USP47: variants seen among roughly 807,000 people sequenced by gnomAD.
USP47 encodes ubiquitin specific peptidase 47.
Under a neutral mutation model 165.1 loss-of-function variants are expected in USP47, and 35 were observed. The observed-to-expected ratio is 0.21, with a 90% CI of 0.16 to 0.28. The LOEUF (loss-of-function observed/expected upper bound fraction) is 0.28, where lower values mean the gene tolerates loss of function less well. Among genes scored for constraint, USP47 ranks in the 10% least tolerant of loss-of-function variants. The pLI is 1.00. For missense variants in USP47, 1,277 were observed against 1,607.4 expected, an observed-to-expected ratio of 0.79 and a Z score of 3.52; for synonymous variants, 531 against 544.5, an observed-to-expected ratio of 0.98 and a Z score of 0.35.
intron 2 of USP47, 123 bp downstream of exon 2, chr11:11,880,503 G>A: frequency 6.0e-6 from 4 of 670,944 alleles, no homozygotes; most frequent in East Asian, 3.4e-5. Flanking sequence ...ACTACAGTAA[G>A]AGCCTATGTG....
chr11:11,871,120 G>A (rs571984637), intron 1 of USP47, among the ~76,000 whole-genome samples: 1 of 152,094 alleles, frequency 6.6e-6, no homozygotes, highest in African/African-American at 2.4e-5. Flanking sequence ...GTAGTCTTTA[G>A]ATTAGGTCTA....
chr11:11,921,426 G>A (rs932101140), intron 10 of USP47, among the ~76,000 whole-genome samples: 1 of 151,752 alleles, frequency 6.6e-6, no homozygotes, highest in African/African-American at 2.4e-5. Flanking sequence ...TCAAATTCTT[G>A]TCCTGCTACT....
intron 20 of USP47, among the ~76,000 whole-genome samples, chr11:11,945,886 G>A (rs1289401520): frequency 6.6e-6 from 1 of 151,126 alleles, no homozygotes; most frequent in Admixed American, 6.6e-5. Context: ...AGTGAGCTAT[G>A]ATCGTACCAC....
At chr11:11,862,972 C>T (rs1849470921) in intron 1 of USP47, among the ~76,000 whole-genome samples, 1 of 152,060 alleles carries the variant, frequency 6.6e-6, no homozygotes, top group South Asian at 2.1e-4. Flanking sequence ...TCATCATCTA[C>T]CCCCCTCCCA....
At chr11:11,891,100 A>T (rs1341669486) in intron 3 of USP47, among the ~76,000 whole-genome samples, 1 of 152,194 alleles carries the variant, frequency 6.6e-6, no homozygotes, top group African/African-American at 2.4e-5. Flanking sequence ...CATGGCACAC[A>T]TTACCTGGGT....
In USP47 at chr11:11,920,182, G is replaced by T; in HGVS notation, c.996G>T (p.Gln332His). The T allele has an allele frequency of 6.2e-7, 1 of 1,603,896 alleles. No homozygotes were observed. Among genetic ancestry groups the T allele is most frequent in the Admixed American group, 1.7e-5 (1 of 58,814 alleles). The change falls in exon 9 of 28, where the codon CAG becomes CAT. Residue 332 changes from glutamine (Q) to histidine (H), a missense_variant. Physicochemically the swap from Gln to His is conservative, Grantham distance 24. This residue lies in a region of USP47 where 175 missense variants were observed against 295.8 expected (regional missense o/e 0.59). Coordinates refer to ENST00000527733, the MANE Select transcript of USP47 (RefSeq NM_001282659.2). Reference protein sequence around the residue: ...SVEEALHAFIQPEILDGPNQY... With the variant: ...SVEEALHAFIHPEILDGPNQY... ...AAGAAGCATTGCATGCATTTATTCAGCCAGAGATTCTGGATGGCCCAAATC... is the reference window on the plus strand; with the variant it reads ...AAGAAGCATTGCATGCATTTATTCATCCAGAGATTCTGGATGGCCCAAATC...
intron 16 of USP47, 38 bp downstream of exon 16, chr11:11,933,973 A>G: frequency 6.9e-7 from 1 of 1,439,798 alleles, no homozygotes; most frequent in Non-Finnish European, 9.7e-7. Context: ...ACTTACTAAT[A>G]CAACAGTATT....
chr11:11,865,024 A>G lies in USP47; in HGVS notation c.40-15153A>G, dbSNP rs80271910. Among the ~76,000 whole-genome samples the G allele has an allele frequency of 3.1e-3, 467 of 152,192 alleles. 2 individuals are homozygous for G. Among genetic ancestry groups the G allele is most frequent in the African/African-American group, 0.011 (442 of 41,544 alleles). On this transcript the variant is annotated intron_variant, in intron 1 of 27. Transcript: ENST00000527733. The stretch of plus-strand genomic sequence containing the variant: ...ATCAGAGAAATCTGCTGTCATTTGA[A>G]TTGTTTTACCCTTATAGTTAAGATG...
intron 7 of USP47, among the ~76,000 whole-genome samples, chr11:11,904,336 G>A (rs1215411859): frequency 2.0e-5 from 3 of 152,146 alleles, no homozygotes; most frequent in Non-Finnish European, 4.4e-5. Flanking sequence ...AGACAGTGAC[G>A]GTCAATCCAG....
intron 11 of USP47, among the ~76,000 whole-genome samples, chr11:11,923,196 T>TGGTAC (rs1853990617): frequency 1.3e-5 from 2 of 151,244 alleles, no homozygotes; most frequent in African/African-American, 4.9e-5. Flanking sequence ...CGATGCCTAG[T>TGGTAC]AGTCAAGAAA....
At chr11:11,917,937 A>G (rs78535804) in intron 8 of USP47, among the ~76,000 whole-genome samples, 1 of 152,012 alleles carries the variant, frequency 6.6e-6, no homozygotes, top group East Asian at 1.9e-4. Flanking sequence ...GGAATCTGTA[A>G]GTGGATGTTA....
rs11255 is a variant in USP47 at position 11,958,045 on chromosome 11, G to A, written c.*1870G>A. The A allele has an allele frequency of 0.34, 51,389 of 152,102 alleles. 9,166 individuals carry two copies. Among genetic ancestry groups the A allele is most frequent in the East Asian group, 0.44 (2,279 of 5,180 alleles). 9.4% of individuals were successfully genotyped at this position (152,102 alleles called of 1,614,324 possible). On this transcript the variant is annotated 3_prime_UTR_variant, in exon 28 of 28. Coordinates refer to ENST00000527733, the MANE Select transcript of USP47 (RefSeq NM_001282659.2). Reference sequence around the variant, plus strand: ...GATTTTCTGATGTAAGAGGACAGCTGTTTGGTTCTGATACAGGCCTGCTTA... The same window carrying A: ...GATTTTCTGATGTAAGAGGACAGCTATTTGGTTCTGATACAGGCCTGCTTA...
At chr11:11,948,993 G>A (rs1041135502) in intron 22 of USP47, 2 of 158,856 alleles carry the variant, frequency 1.3e-5, no homozygotes, top group African/African-American at 2.4e-5. Context: ...AGTCATTTTA[G>A]TATGTAACAA....
chr11:11,924,137 A>T (rs1461063764), intron 11 of USP47, among the ~76,000 whole-genome samples: 2 of 152,164 alleles, frequency 1.3e-5, no homozygotes, highest in African/African-American at 4.8e-5. Context: ...GTTGACTTTC[A>T]GTTTTTTATG....
At position 11,940,523 on chromosome 11, in the gene USP47, C is replaced by G; in HGVS notation, c.2288C>G (p.Ala763Gly). 1 of 1,611,696 alleles carries G rather than the reference C, an allele frequency of 6.2e-7. No homozygotes were observed. ...AGTGTCTCCAGTAAAACCCTGAAAG[C>G]TGAAGGATTTTTTAGAAGTAACAAG... ...LLSVSSKTLKAEGFFRSNKVF... is the reference protein window; with the variant it reads ...LLSVSSKTLKGEGFFRSNKVF... The change falls in exon 19 of 28, where the codon GCT becomes GGT. Residue 763 changes from alanine to glycine, a missense_variant. Physicochemically the swap from Ala to Gly is moderately conservative, Grantham distance 60. Around this residue, in one of 4 missense-constraint regions of USP47, gnomAD observed 909 missense variants for 1,068.1 expected, o/e 0.85. Transcript: ENST00000527733.
rs1394796398 is a variant in USP47, at chr11:11,961,870, C to T, written c.*5695C>T. Among the ~76,000 whole-genome samples the T allele has an allele frequency of 2.6e-5, 4 of 152,216 alleles. No homozygotes were observed. Among genetic ancestry groups the T allele is most frequent in the African/African-American group, 9.6e-5 (4 of 41,466 alleles). ...GCAGCAGCAAGGTATTCAAGCACCA[C>T]CTCCACCCAGCCCCTCCCACATTTC... On this transcript the variant is annotated 3_prime_UTR_variant, in exon 28 of 28. Coordinates refer to ENST00000527733, the MANE Select transcript of USP47 (RefSeq NM_001282659.2).
chr11:11,935,773 C>T (rs1176690912), intron 16 of USP47, among the ~76,000 whole-genome samples: 2 of 151,870 alleles, frequency 1.3e-5, no homozygotes, highest in East Asian at 3.9e-4. Context: ...ATACCATGAG[C>T]TTTAAGTATT....
chr11:11,906,000 C>T (rs887378303), intron 8 of USP47, among the ~76,000 whole-genome samples: 16 of 151,946 alleles, frequency 1.1e-4, no homozygotes, highest in African/African-American at 2.9e-4. Context: ...AGAAGCATCC[C>T]TACTTTAAAT....
chr11:11,889,617 A>G (rs963945214), intron 3 of USP47, among the ~76,000 whole-genome samples: 1 of 152,226 alleles, frequency 6.6e-6, no homozygotes, highest in African/African-American at 2.4e-5. Flanking sequence ...TATCTTGTTA[A>G]TGGCCATACT....
Sources: allele counts gnomAD v4.1 joint callset (sites outside exome capture counted in the v4.1 genomes callset), GRCh38; gene constraint gnomAD v4.1.1; regional missense constraint gnomAD v4.1.1; transcripts MANE v1.5; gene names NCBI Gene and HGNC (gene_info 2026-07-23, HGNC 2026-07-21).